DNMBP: variants seen among roughly 807,000 people sequenced by gnomAD.
The protein encoded by DNMBP is dynamin-binding protein.
Under a neutral mutation model 150.0 loss-of-function variants are expected in DNMBP, and 87 were observed. The observed-to-expected ratio is 0.58, with a 90% CI of 0.49 to 0.69. The LOEUF (loss-of-function observed/expected upper bound fraction) is 0.69. DNMBP is among the 30% of genes least tolerant of loss of function. The pLI, the probability that DNMBP is intolerant of heterozygous loss-of-function variation, is 0.00. For missense variants in DNMBP, 1,774 were observed against 1,949.0 expected (o/e 0.91, Z 1.69); for synonymous variants, 711 against 750.4 (o/e 0.95, Z 0.86).
chr10:99,959,729 G>A lies in DNMBP; in HGVS notation c.269-2524C>T, dbSNP rs560901315. On this transcript the variant is annotated intron_variant, in intron 3 of 16. Transcript: ENST00000324109. ...AAAATTAGCCGGTGTGGTGGTGAGC[G>A]CTATAGTCCCAGCTACTTGGGAACC... Among the ~76,000 whole-genome samples, 24 of 151,636 alleles carry A rather than the reference G, an allele frequency of 1.6e-4. No individual in the cohort carries two copies. The South Asian group carries it at 4.6e-3, about 29-fold the overall frequency.
intron 1 of DNMBP, among the ~76,000 whole-genome samples, chr10:100,000,169 C>A (rs1282845759): frequency 6.6e-6 from 1 of 152,128 alleles, no homozygotes; most frequent in African/African-American, 2.4e-5. Flanking sequence ...GTTCAGAATA[C>A]TTATTGTTCG....
intron 1 of DNMBP, among the ~76,000 whole-genome samples, chr10:99,996,695 G>C (rs1462487480): frequency 6.6e-6 from 1 of 151,984 alleles, no homozygotes; most frequent in African/African-American, 2.4e-5. Flanking sequence ...TTTTAGTCTT[G>C]ACTTATTAAC....
chr10:99,959,662 G>A (rs1564746963), intron 3 of DNMBP, among the ~76,000 whole-genome samples: 1 of 151,790 alleles, frequency 6.6e-6, no homozygotes, highest in Non-Finnish European at 1.5e-5. Flanking sequence ...AGATCAGCCT[G>A]GGCAACATAG....
chr10:99,878,210 C>T (rs76389453), intron 16 of DNMBP, among the ~76,000 whole-genome samples: 149 of 152,354 alleles, frequency 9.8e-4, no homozygotes, highest in African/African-American at 3.5e-3. Flanking sequence ...CAGAAAACCA[C>T]AACCAACTTC....
chr10:99,897,946 C>T, intron 9 of DNMBP, 140 bp downstream of exon 9: 1 of 685,714 alleles, frequency 1.5e-6, no homozygotes, highest in Admixed American at 2.7e-5. Context: ...ATATTTCCCC[C>T]AAATTCTACC....
chr10:99,991,552 C>T (rs1401301346), intron 1 of DNMBP, among the ~76,000 whole-genome samples: 1 of 150,336 alleles, frequency 6.7e-6, no homozygotes, highest in Non-Finnish European at 1.5e-5. Context: ...CTTCCTAGTA[C>T]AATGTTTTCA....
chr10:99,940,989 A>G (rs1212462294), intron 4 of DNMBP, among the ~76,000 whole-genome samples: 2 of 151,540 alleles, frequency 1.3e-5, no homozygotes, highest in Non-Finnish European at 2.9e-5. Context: ...TGTTCAAGTG[A>G]TTCTCCTGCC....
intron 3 of DNMBP, among the ~76,000 whole-genome samples, chr10:99,961,516 T>C (rs1271786085): frequency 1.4e-5 from 2 of 144,820 alleles, no homozygotes; most frequent in Admixed American, 7.0e-5. Flanking sequence ...CCCGCCTGAG[T>C]CTCCCACAGT....
At chr10:99,930,867 A>T in intron 4 of DNMBP, 1 of 582,570 alleles carries the variant, frequency 1.7e-6, no homozygotes, top group Non-Finnish European at 3.0e-6. Flanking sequence ...GTCCTGCTTA[A>T]AATGTCTCCC....
chr10:99,904,784 A>G (rs2039801009), intron 6 of DNMBP, among the ~76,000 whole-genome samples: 1 of 152,236 alleles, frequency 6.6e-6, no homozygotes, highest in Non-Finnish European at 1.5e-5. Flanking sequence ...AGAAGAAAAA[A>G]TAAATGCAGG....
intron 4 of DNMBP, chr10:99,931,091 T>G (rs903301385): frequency 4.1e-5 from 10 of 244,824 alleles, no homozygotes; most frequent in African/African-American, 2.2e-4. Flanking sequence ...TTGCTGAAGA[T>G]AGAGGCATTC....
At chr10:99,929,392 G>A (rs935150286) in intron 4 of DNMBP, among the ~76,000 whole-genome samples, 5 of 152,086 alleles carry the variant, frequency 3.3e-5, no homozygotes, top group African/African-American at 7.2e-5. Flanking sequence ...AGCGCTATCC[G>A]AATGTTGCAT....
At chr10:99,942,816 C>T (rs1471706941) in intron 4 of DNMBP, among the ~76,000 whole-genome samples, 1 of 152,188 alleles carries the variant, frequency 6.6e-6, no homozygotes, top group East Asian at 1.9e-4. Context: ...ATGATGGCTG[C>T]TGTCTTATAC....
chr10:99,935,987 T>C (rs2040226226), intron 4 of DNMBP, among the ~76,000 whole-genome samples: 1 of 152,202 alleles, frequency 6.6e-6, no homozygotes, highest in South Asian at 2.1e-4. Flanking sequence ...ACCCAGATCT[T>C]ATTTTACCTA....
chr10:99,956,273 G>C lies in DNMBP; in HGVS notation c.1201C>G (p.Pro401Ala), dbSNP rs749727696. 4.3e-6 allele frequency: 7 copies of C among 1,613,798 alleles called. No homozygotes were observed. Among genetic ancestry groups the C allele is most frequent in the Non-Finnish European group, 5.9e-6 (7 of 1,179,984 alleles). ...ACTACTTCTGTAGGGTCAGATGTGG[G>C]AGAGTCTGTGGCAAGAGGCATTTCC... ...EWEMPLATDS[P>A]TSDPTEVVNG... Residue 401 changes from proline to alanine, a missense_variant, in exon 4 of 17, where the codon CCC becomes GCC. Physicochemically the swap from Pro to Ala is conservative, Grantham distance 27. Around this residue, in one of 2 missense-constraint regions of DNMBP, gnomAD observed 1,430 missense variants for 1,492.5 expected, o/e 0.96. Transcript: ENST00000324109.
chr10:99,903,552 C>T (rs778281933), intron 6 of DNMBP, among the ~76,000 whole-genome samples: 1 of 151,918 alleles, frequency 6.6e-6, no homozygotes, highest in Admixed American at 6.6e-5. Flanking sequence ...AGGCTGGTCT[C>T]GAACTCCCGA....
In DNMBP at chr10:99,955,898, C is replaced by T; in HGVS notation, c.1576G>A (p.Gly526Ser). 1 of 1,614,176 alleles carries T rather than the reference C, an allele frequency of 6.2e-7. No individual in the cohort carries two copies. Among genetic ancestry groups the T allele is most frequent in the Non-Finnish European group, 8.5e-7 (1 of 1,180,038 alleles). Residue 526 changes from glycine to serine, a missense_variant, in exon 4 of 17, where the codon GGT becomes AGT. Transcript: ENST00000324109. ...ATAACAAGCCCTTGGGCTTGCGGAC[C>T]AGGCTTCATCTCCAATCTCTCTGAG... is the stretch of plus-strand genomic sequence containing the variant. ...SISERLEMKP[G>S]PQAQGLVMEA...
At position 99,880,008 on chromosome 10, in the gene DNMBP, C is replaced by T. The variant is rs1235991239; in HGVS notation, c.4351G>A (p.Asp1451Asn). ...TSQPRSGDSA[D>N]VARDVKQPTA... ...GGTTGCTTTACATCTCTAGCTACAT[C>T]TGCAGAGTCCCCTGACCTTGGCTGG... The change falls in exon 16 of 17, where the codon GAT (aspartate) becomes AAT (asparagine). Residue 1451 changes from aspartate to asparagine, a missense_variant. Asp to Asn is a conservative substitution (Grantham distance 23). Transcript: ENST00000324109. The T allele has an allele frequency of 2.5e-6, 4 of 1,614,242 alleles. No homozygotes were observed. Among genetic ancestry groups the T allele is most frequent in the Non-Finnish European group, 2.5e-6 (3 of 1,180,046 alleles).
chr10:99,936,650 A>G (rs1190316385), intron 4 of DNMBP, among the ~76,000 whole-genome samples: 1 of 151,696 alleles, frequency 6.6e-6, no homozygotes, highest in Non-Finnish European at 1.5e-5. Flanking sequence ...GCTTTCCTCA[A>G]ATACTTGATG....
Sources: gnomAD v4.1 joint callset for allele counts (sites outside exome capture counted in the v4.1 genomes callset) on GRCh38, gnomAD v4.1.1 for gene constraint, gnomAD v4.1.1 regional missense constraint, MANE v1.5 for transcripts, NCBI Gene and HGNC (gene_info 2026-07-23, HGNC 2026-07-21) for gene names.